Variants in TSPAN2 observed in about 807,000 individuals in gnomAD.
The protein encoded by TSPAN2 is tetraspanin 2.
A neutral mutation model predicts 33.3 loss-of-function variants in TSPAN2; 24 were observed. The observed-to-expected ratio is 0.72, with a 90% CI of 0.52 to 1.01. The LOEUF is 1.01. Among genes scored for constraint, TSPAN2 ranks in the 50% least tolerant of loss-of-function variants. TSPAN2 has a pLI of 0.00. For missense variants in TSPAN2, 278 were observed against 281.3 expected, an observed-to-expected ratio of 0.99 and a Z score of 0.08; for synonymous variants, 114 against 104.5, an observed-to-expected ratio of 1.09 and a Z score of -0.56.
chr1:115,060,460 T>C lies in TSPAN2; in HGVS notation c.345+4A>G. 5 of 1,607,498 alleles carry C rather than the reference T, an allele frequency of 3.1e-6. No homozygotes were observed. Among genetic ancestry groups the C allele is most frequent in the Non-Finnish European group, 4.3e-6 (5 of 1,175,322 alleles). ...AGAAAAACATTATAAGTAATTTTAC[T>C]TACTACCCCCTTGCCTATAAAAGCA... On this transcript the variant is annotated splice_donor_region_variant and intron_variant, in intron 4 of 7. Coordinates refer to ENST00000369516, the MANE Select transcript of TSPAN2 (RefSeq NM_005725.6).
intron 1 of TSPAN2, among the ~76,000 whole-genome samples, chr1:115,084,713 T>C (rs1467933275): frequency 2.0e-5 from 3 of 152,208 alleles, no homozygotes; most frequent in Admixed American, 2.0e-4. Context: ...CTCTGACAGG[T>C]GATTGCTCTG....
At chr1:115,050,751 A>G (rs1675292535) in intron 7 of TSPAN2, among the ~76,000 whole-genome samples, 196 bp from the exon 8 acceptor site, 1 of 152,204 alleles carries the variant, frequency 6.6e-6, no homozygotes, top group Non-Finnish European at 1.5e-5. Flanking sequence ...TTAAATGTGT[A>G]TTATTATTGT....
chr1:115,062,676 G>C (rs1376150101), intron 2 of TSPAN2, among the ~76,000 whole-genome samples: 1 of 152,188 alleles, frequency 6.6e-6, no homozygotes. Context: ...TACAATATGG[G>C]ACTTGGCACT....
At chr1:115,082,854 G>A (rs975300047) in intron 1 of TSPAN2, among the ~76,000 whole-genome samples, 3 of 152,158 alleles carry the variant, frequency 2.0e-5, no homozygotes, top group African/African-American at 4.8e-5. Flanking sequence ...AAAAAAGCAT[G>A]GGGTTTAAAG....
chr1:115,076,927 CT>C (rs564428993), intron 1 of TSPAN2, among the ~76,000 whole-genome samples: 263 of 144,118 alleles, frequency 1.8e-3, no homozygotes, highest in East Asian at 0.01. Flanking sequence ...TCCTCCCTCC[CT>C]TTTTTTTTTT....
At chr1:115,071,129 G>T (rs1251319543) in intron 2 of TSPAN2, among the ~76,000 whole-genome samples, 1 of 152,068 alleles carries the variant, frequency 6.6e-6, no homozygotes, top group African/African-American at 2.4e-5. Flanking sequence ...GGTCCTATGG[G>T]GAGCCCAGGC....
intron 2 of TSPAN2, among the ~76,000 whole-genome samples, chr1:115,071,449 G>A (rs1648173064): frequency 6.6e-6 from 1 of 152,148 alleles, no homozygotes; most frequent in Admixed American, 6.5e-5. Context: ...CAGCAGAGAG[G>A]GGGAAAGAAC....
chr1:115,062,512 C>T (rs1403588447), intron 2 of TSPAN2, among the ~76,000 whole-genome samples: 1 of 152,216 alleles, frequency 6.6e-6, no homozygotes, highest in Non-Finnish European at 1.5e-5. Flanking sequence ...GTGATGGAGG[C>T]AGCCATCATT....
intron 1 of TSPAN2, among the ~76,000 whole-genome samples, chr1:115,088,395 G>A (rs2101053235): frequency 6.6e-6 from 1 of 152,256 alleles, no homozygotes; most frequent in Admixed American, 6.5e-5. Flanking sequence ...TCCCCTCAGG[G>A]TCTAGCTGAG....
intron 6 of TSPAN2, among the ~76,000 whole-genome samples, chr1:115,054,392 GAGACA>G (rs1204550542): frequency 2.0e-5 from 3 of 152,200 alleles, no homozygotes; most frequent in Non-Finnish European, 4.4e-5. Flanking sequence ...GGTAGATGCA[GAGACA>G]ATAGGATATG....
chr1:115,079,595 T>G (rs1158203983), intron 1 of TSPAN2, among the ~76,000 whole-genome samples: 1 of 152,184 alleles, frequency 6.6e-6, no homozygotes, highest in Non-Finnish European at 1.5e-5. Context: ...ATCAAGGGTT[T>G]TATCAGAAAA....
At position 115,058,948 on chromosome 1, in the gene TSPAN2, C is replaced by T; in HGVS notation, c.379G>A (p.Ala127Thr). 6.2e-7 allele frequency: 1 copy of T among 1,614,048 alleles called. No individual in the cohort carries two copies. The highest frequency in any genetic ancestry group is 8.5e-7 in the Non-Finnish European group (1 of 1,179,990). Residue 127 changes from alanine (A) to threonine (T), a missense_variant, in exon 5 of 8, where the codon GCT becomes ACT. Coordinates refer to ENST00000369516, the MANE Select transcript of TSPAN2 (RefSeq NM_005725.6). ...IRHVQTMYEEAYNDYLKDRGK... is the reference protein window; with the variant it reads ...IRHVQTMYEETYNDYLKDRGK... Reference sequence around the variant, plus strand: ...CTGTCTTTAAGGTAATCATTGTAAGCCTCTTCATACATGGTCTGAACATGT... The same window carrying T: ...CTGTCTTTAAGGTAATCATTGTAAGTCTCTTCATACATGGTCTGAACATGT...
chr1:115,050,397 A>C lies in TSPAN2; in HGVS notation c.*93T>G, dbSNP rs1474429392. The stretch of plus-strand genomic sequence containing the variant: ...TTGACAGCAAATTATTTTAGATCCT[A>C]ATGTCATTTCAGTGTTAAAAATGAG... On this transcript the variant is annotated 3_prime_UTR_variant, in exon 8 of 8. Coordinates refer to ENST00000369516, the MANE Select transcript of TSPAN2 (RefSeq NM_005725.6). The C allele has an allele frequency of 6.3e-6, 7 of 1,109,292 alleles. No individual in the cohort carries two copies. Among genetic ancestry groups the C allele is most frequent in the Non-Finnish European group, 9.7e-6 (7 of 724,334 alleles). The allele number at this position is 1,109,292 out of a possible 1,614,324, so 68.7% of individuals were successfully genotyped here.
intron 3 of TSPAN2, among the ~76,000 whole-genome samples, chr1:115,061,653 G>A (rs948261444): frequency 3.3e-5 from 5 of 152,046 alleles, no homozygotes; most frequent in East Asian, 1.9e-4. Flanking sequence ...TATAAGGCAG[G>A]AACAAAGATA....
intron 1 of TSPAN2, 53 bp downstream of exon 1, chr1:115,089,311 C>T (rs1245820503): frequency 4.6e-5 from 65 of 1,399,672 alleles, no homozygotes; most frequent in Non-Finnish European, 1.3e-5. Flanking sequence ...CCCGGCCCCG[C>T]GCCCGCCACC....
rs1302633329 is a variant in TSPAN2 at position 115,048,658 on chromosome 1, C to T, written c.*1832G>A. ...TGCACTTGGGCCTGTTTCCTGTCTT[C>T]AGGCAGAGAGATAAACTAAAGCTAA... On this transcript the variant is annotated 3_prime_UTR_variant, in exon 8 of 8. Transcript: ENST00000369516. The T allele has an allele frequency of 4.6e-5, 7 of 152,016 alleles. No individual in the cohort carries two copies. Among genetic ancestry groups the T allele is most frequent in the Admixed American group, 4.6e-4 (7 of 15,242 alleles). The allele number at this position is 152,016 out of a possible 1,614,324, so 9.4% of individuals were successfully genotyped here. A position where few individuals can be genotyped will look rare whatever the true frequency, so the allele number is the denominator to read the frequency against.
intron 1 of TSPAN2, 86 bp from the exon 2 acceptor site, chr1:115,073,093 A>G: frequency 1.8e-6 from 2 of 1,133,188 alleles, no homozygotes; most frequent in Non-Finnish European, 2.7e-6. Flanking sequence ...CAGGATGCTG[A>G]CAAGGTCACC....
chr1:115,087,851 G>A (rs891365942), intron 1 of TSPAN2, among the ~76,000 whole-genome samples: 1 of 152,156 alleles, frequency 6.6e-6, no homozygotes, highest in Non-Finnish European at 1.5e-5. Flanking sequence ...AATCCTTCCA[G>A]CTATCACTGG....
Position 115,079,288 on chromosome 1 carries a change from T to G in TSPAN2, c.70-6281A>C, listed in dbSNP as rs150443914. Among the ~76,000 whole-genome samples, 4 of 152,356 alleles carry G rather than the reference T, an allele frequency of 2.6e-5. No individual in the cohort carries two copies. In the East Asian group the frequency reaches 7.7e-4, roughly 29 times the overall value. ...TGGGATGAAGTCACAAAATTGGAAA[T>G]GATGCTTCAACCCTAGAATTTTCAT... On this transcript the variant is annotated intron_variant, in intron 1 of 7. Transcript: ENST00000369516.
Sources: gnomAD v4.1 joint callset for allele counts (sites outside exome capture counted in the v4.1 genomes callset) on GRCh38, gnomAD v4.1.1 for gene constraint, MANE v1.5 for transcripts, NCBI Gene and HGNC (gene_info 2026-07-23, HGNC 2026-07-21) for gene names.